The following S100Z variants were observed in gnomAD, a reference collection of about 807,000 sequenced individuals.
S100Z encodes the protein S100 calcium binding protein Z.
A neutral mutation model predicts 8.5 loss-of-function variants in S100Z; 11 were observed. The observed-to-expected ratio is 1.30, with a 90% CI of 0.82 to 2.15. The LOEUF (loss-of-function observed/expected upper bound fraction) is 2.15. Ranked by LOEUF, S100Z falls within the 30% of genes most tolerant of loss-of-function variation. The pLI is 0.00. For synonymous variants in S100Z, 34 were observed against 43.8 expected, an observed-to-expected ratio of 0.78 and a Z score of 0.89; for missense variants, 126 against 117.9, an observed-to-expected ratio of 1.07 and a Z score of -0.32.
intron 4 of S100Z, among the ~76,000 whole-genome samples, chr5:76,903,960 C>T (rs151079784): frequency 0.051 from 7,678 of 151,986 alleles, 289 homozygotes; most frequent in Non-Finnish European, 0.077. Flanking sequence ...TGGTCTCGAA[C>T]TCCTGACCTC....
At chr5:76,917,123 C>CAAAAA (rs35232494) in intron 4 of S100Z, among the ~76,000 whole-genome samples, 1 of 81,272 alleles carries the variant, frequency 1.2e-5, no homozygotes. Context: ...GAGACTGTCT[C>CAAAAA]AAAAAAAAAA....
intron 4 of S100Z, among the ~76,000 whole-genome samples, chr5:76,904,591 A>G (rs2150673457): frequency 6.6e-6 from 1 of 152,346 alleles, no homozygotes; most frequent in Admixed American, 6.5e-5. Context: ...ATGGGCTTTT[A>G]CTGACTGCAT....
chr5:76,855,831 G>A (rs931131638), intron 1 of S100Z, among the ~76,000 whole-genome samples: 3 of 152,154 alleles, frequency 2.0e-5, no homozygotes, highest in Non-Finnish European at 2.9e-5. Context: ...AGAATGATAT[G>A]GTTTGGATCT....
the S100Z span, among the ~76,000 whole-genome samples, chr5:76,947,372 A>G: frequency 6.6e-6 from 1 of 152,254 alleles, no homozygotes; most frequent in Non-Finnish European, 1.5e-5. Flanking sequence ...TTCATTCAAA[A>G]GCTGATTTAT....
the S100Z span, among the ~76,000 whole-genome samples, chr5:76,939,312 C>T: frequency 6.6e-6 from 1 of 151,920 alleles, no homozygotes; most frequent in Non-Finnish European, 1.5e-5. Flanking sequence ...ACCACCACGC[C>T]TGGCTAATTT....
chr5:76,912,440 A>G (rs1021741364), intron 4 of S100Z, among the ~76,000 whole-genome samples: 2 of 152,200 alleles, frequency 1.3e-5, no homozygotes, highest in Admixed American at 1.3e-4. Context: ...TGGGATATGA[A>G]GGGCAGGTTA....
At chr5:76,890,908 G>A (rs188209377) in intron 4 of S100Z, among the ~76,000 whole-genome samples, 26 of 152,254 alleles carry the variant, frequency 1.7e-4, no homozygotes, top group Admixed American at 1.6e-3. Context: ...TGTTACCCAG[G>A]CTGGAGTGCA....
chr5:76,915,445 A>C (rs1025224112), intron 4 of S100Z, among the ~76,000 whole-genome samples: 32 of 151,912 alleles, frequency 2.1e-4, no homozygotes, highest in East Asian at 1.4e-3. Flanking sequence ...CCACTAAAAA[A>C]AATACAAAAA....
At chr5:76,925,937 A>C (rs1275677606), downstream of S100Z, among the ~76,000 whole-genome samples, 1 of 152,230 alleles carries the variant, frequency 6.6e-6, no homozygotes, top group Non-Finnish European at 1.5e-5. Flanking sequence ...AATGCATTCC[A>C]GCCTGGGTGA....
chr5:76,863,825 A>T (rs535400946), intron 1 of S100Z, among the ~76,000 whole-genome samples: 10 of 152,242 alleles, frequency 6.6e-5, no homozygotes. Flanking sequence ...GGTGTGAGCC[A>T]CTGCGCCCGG....
intron 1 of S100Z, among the ~76,000 whole-genome samples, chr5:76,863,884 C>T (rs1457044605): frequency 6.6e-6 from 1 of 152,104 alleles, no homozygotes; most frequent in Non-Finnish European, 1.5e-5. Context: ...AATGGTTGCC[C>T]TAAGTATGTG....
At chr5:76,928,805 T>C in the S100Z span, among the ~76,000 whole-genome samples, 1 of 152,182 alleles carries the variant, frequency 6.6e-6, no homozygotes. Flanking sequence ...CAGCGCACAA[T>C]CACGGCACAT....
chr5:76,931,916 A>T, the S100Z span, among the ~76,000 whole-genome samples: 14 of 152,174 alleles, frequency 9.2e-5, no homozygotes, highest in Non-Finnish European at 2.9e-5. Flanking sequence ...AGTAGGGGTA[A>T]TATCCATAAT....
the S100Z span, among the ~76,000 whole-genome samples, chr5:76,947,014 G>A: frequency 1.9e-4 from 29 of 152,274 alleles, no homozygotes; most frequent in Admixed American, 1.6e-3. Flanking sequence ...TCTGGGCCTC[G>A]TCCTACAATT....
intron 4 of S100Z, among the ~76,000 whole-genome samples, chr5:76,892,686 A>G (rs1436890317): frequency 1.3e-5 from 2 of 152,190 alleles, no homozygotes; most frequent in African/African-American, 2.4e-5. Context: ...AGAATAAATA[A>G]AAGAGGCAAG....
At chr5:76,937,362 G>A in the S100Z span, among the ~76,000 whole-genome samples, 2 of 152,038 alleles carry the variant, frequency 1.3e-5, no homozygotes, top group African/African-American at 4.8e-5. Flanking sequence ...AGAGTGATAG[G>A]AATATAGATA....
chr5:76,934,429 T>G, the S100Z span, among the ~76,000 whole-genome samples: 1 of 152,192 alleles, frequency 6.6e-6, no homozygotes, highest in Non-Finnish European at 1.5e-5. Flanking sequence ...CAAGGCCAAG[T>G]GATCTCATGG....
At chr5:76,931,315 G>A in the S100Z span, among the ~76,000 whole-genome samples, 3 of 152,094 alleles carry the variant, frequency 2.0e-5, no homozygotes, top group Non-Finnish European at 4.4e-5. Flanking sequence ...GTTTCACTAT[G>A]TTGCCCAGGC....
chr5:76,893,094 C>T (rs2150662874), intron 4 of S100Z, among the ~76,000 whole-genome samples: 1 of 152,170 alleles, frequency 6.6e-6, no homozygotes, highest in African/African-American at 2.4e-5. Context: ...TTAATTTTTC[C>T]CTTTGGCACA....
Sources: allele counts gnomAD v4.1 joint callset (sites outside exome capture counted in the v4.1 genomes callset), GRCh38; gene constraint gnomAD v4.1.1; transcripts MANE v1.5; gene names NCBI Gene and HGNC (gene_info 2026-07-23, HGNC 2026-07-21).